PDE3B: variants seen among roughly 807,000 people sequenced by gnomAD.
PDE3B encodes cGMP-inhibited 3',5'-cyclic phosphodiesterase 3B.
In PDE3B, 66 loss-of-function variants were observed where a neutral mutation model predicts 116.8. The ratio of observed to expected loss-of-function variants is 0.56; its 90% CI spans 0.46 to 0.69. PDE3B has a LOEUF of 0.69. Among genes scored for constraint, PDE3B ranks in the 30% least tolerant of loss-of-function variants. The pLI is 0.00. For synonymous variants in PDE3B, 595 were observed against 533.6 expected (o/e 1.12, Z -1.59); for missense variants, 1,384 against 1,368.1 (o/e 1.01, Z -0.18).
rs2133949613 is a variant in PDE3B, at chr11:14,818,247, A to G, written c.1587A>G (p.Leu529=). The G allele has an allele frequency of 6.2e-7, 1 of 1,613,584 alleles. No individual in the cohort carries two copies. Among genetic ancestry groups the G allele is most frequent in the African/African-American group, 1.3e-5 (1 of 75,006 alleles). ...ATGGACCAGTGTCTACTGGCTCTCT[A>G]ACTAATCGATCACCCATAGAATTTC... The part of the protein sequence containing the change: ...SNHGPVSTGS[L]TNRSPIEFPD... Residue 529 remains leucine (L), a synonymous_variant, in exon 6 of 16, where the codon CTA becomes CTG. Coordinates refer to ENST00000282096, the MANE Select transcript of PDE3B (RefSeq NM_000922.4).
At chr11:14,764,562 T>A (rs1230283071) in intron 1 of PDE3B, among the ~76,000 whole-genome samples, 1 of 152,106 alleles carries the variant, frequency 6.6e-6, no homozygotes. Flanking sequence ...TATAAGATGC[T>A]ACAGCATAAT....
intron 2 of PDE3B, among the ~76,000 whole-genome samples, chr11:14,779,519 C>G (rs1253482139): frequency 6.6e-6 from 1 of 151,614 alleles, no homozygotes. Flanking sequence ...ATATTCAGTA[C>G]TCTTCAACAA....
the PDE3B span, among the ~76,000 whole-genome samples, chr11:14,885,470 T>C: frequency 6.6e-6 from 1 of 152,200 alleles, no homozygotes; most frequent in East Asian, 1.9e-4. Flanking sequence ...GCACTTCGGA[T>C]TCAAGTGGAA....
chr11:14,714,244 G>A (rs1448413848), intron 1 of PDE3B, among the ~76,000 whole-genome samples: 1 of 152,104 alleles, frequency 6.6e-6, no homozygotes, highest in Non-Finnish European at 1.5e-5. Context: ...ATATATATGT[G>A]TGTGTCTTGC....
chr11:14,786,678 T>C lies in PDE3B; in HGVS notation c.1271T>C (p.Leu424Pro). 1 of 1,610,012 alleles carries C rather than the reference T, an allele frequency of 6.2e-7. No individual in the cohort carries two copies. The highest frequency in any genetic ancestry group is 8.5e-7 in the Non-Finnish European group (1 of 1,176,578). The change falls in exon 3 of 16, where the codon CTT (leucine) becomes CCT (proline). Residue 424 changes from leucine (L) to proline (P), a missense_variant. Around this residue, in one of 2 missense-constraint regions of PDE3B, gnomAD observed 956 missense variants for 806.8 expected, o/e 1.18. Transcript: ENST00000282096. The stretch of plus-strand genomic sequence containing the variant: ...CCAGCTGAGAAAGGGGATAGAAAAC[T>C]TAACAAGGTCGAAATACAGTAATCA... Reference protein sequence around the residue: ...EDPAEKGDRKLNKGLNRNSLP... With the variant: ...EDPAEKGDRKPNKGLNRNSLP...
At chr11:14,739,600 C>G (rs773386411) in intron 1 of PDE3B, among the ~76,000 whole-genome samples, 1 of 152,170 alleles carries the variant, frequency 6.6e-6, no homozygotes, top group Non-Finnish European at 1.5e-5. Flanking sequence ...CTATTTCTTT[C>G]TCTTGCGTGA....
chr11:14,835,452 T>G, intron 11 of PDE3B, among the ~76,000 whole-genome samples: 1 of 152,138 alleles, frequency 6.6e-6, no homozygotes, highest in Non-Finnish European at 1.5e-5. Flanking sequence ...AAAATTTTTT[T>G]TTTGTTTCAA....
At chr11:14,889,388 G>A in the PDE3B span, among the ~76,000 whole-genome samples, 1 of 152,178 alleles carries the variant, frequency 6.6e-6, no homozygotes, top group Non-Finnish European at 1.5e-5. Flanking sequence ...GAGATCTTTA[G>A]AGATGTTTCA....
chr11:14,821,648 T>A (rs5789849), intron 7 of PDE3B, among the ~76,000 whole-genome samples: 2 of 35,852 alleles, frequency 5.6e-5, no homozygotes, highest in South Asian at 1.9e-3. Flanking sequence ...TAGACTAATT[T>A]TTTTCATTTG....
intron 1 of PDE3B, among the ~76,000 whole-genome samples, chr11:14,748,408 G>C (rs1024043889): frequency 6.6e-6 from 1 of 152,112 alleles, no homozygotes; most frequent in Non-Finnish European, 1.5e-5. Context: ...GAAACCTGAA[G>C]TCTTTTCAGT....
chr11:14,862,717 G>C (rs538445532), intron 14 of PDE3B, among the ~76,000 whole-genome samples: 1 of 152,020 alleles, frequency 6.6e-6, no homozygotes, highest in African/African-American at 2.4e-5. Flanking sequence ...GGGATTACAG[G>C]TGCACGCCAC....
At chr11:14,757,183 T>G (rs202032252) in intron 1 of PDE3B, among the ~76,000 whole-genome samples, 1 of 151,918 alleles carries the variant, frequency 6.6e-6, no homozygotes, top group Admixed American at 6.6e-5. Context: ...GTGCCACATT[T>G]TCTTAATCCA....
the PDE3B span, chr11:14,878,165 G>GT: frequency 6.2e-7 from 1 of 1,613,190 alleles, no homozygotes; most frequent in Non-Finnish European, 8.5e-7. Context: ...GGGCTGCAAT[G>GT]TCATGCCTAA....
At chr11:14,851,498 G>A (rs559089201) in intron 12 of PDE3B, among the ~76,000 whole-genome samples, 14 of 123,976 alleles carry the variant, frequency 1.1e-4, no homozygotes, top group African/African-American at 4.8e-4. Flanking sequence ...ATGTGTAAAT[G>A]GGTATAATGG....
chr11:14,664,897 A>G (rs1324137625), intron 1 of PDE3B, among the ~76,000 whole-genome samples: 1 of 152,190 alleles, frequency 6.6e-6, no homozygotes, highest in African/African-American at 2.4e-5. Context: ...AAAAGAGGGA[A>G]TCCTCCCTAA....
At chr11:14,883,090 T>G in the PDE3B span, among the ~76,000 whole-genome samples, 4 of 152,080 alleles carry the variant, frequency 2.6e-5, no homozygotes, top group African/African-American at 9.7e-5. Flanking sequence ...ATCAATATCA[T>G]GAAAATGGCC....
intron 1 of PDE3B, among the ~76,000 whole-genome samples, chr11:14,703,764 G>A (rs1042436615): frequency 1.1e-4 from 16 of 151,326 alleles, no homozygotes; most frequent in Non-Finnish European, 1.0e-4. Flanking sequence ...GTTTAGGCCC[G>A]GTTGTTTGTG....
At chr11:14,794,612 C>G (rs1227171733) in intron 4 of PDE3B, among the ~76,000 whole-genome samples, 2 of 152,156 alleles carry the variant, frequency 1.3e-5, no homozygotes, top group Non-Finnish European at 2.9e-5. Flanking sequence ...CCATGCCCAG[C>G]CTAATTCCAT....
intron 11 of PDE3B, among the ~76,000 whole-genome samples, chr11:14,843,550 T>A (rs1847519710): frequency 6.6e-6 from 1 of 152,218 alleles, no homozygotes. Flanking sequence ...CAGAGGTTTT[T>A]AAAATTATTA....
Sources: gnomAD v4.1 joint callset for allele counts (sites outside exome capture counted in the v4.1 genomes callset) on GRCh38, gnomAD v4.1.1 for gene constraint, gnomAD v4.1.1 regional missense constraint, MANE v1.5 for transcripts, NCBI Gene and HGNC (gene_info 2026-07-23, HGNC 2026-07-21) for gene names.